The following CCDC171 variants were observed in gnomAD, a reference collection of about 807,000 sequenced individuals.
CCDC171 encodes the protein coiled-coil domain containing 171, also known as coiled-coil domain-containing protein 171.
A neutral mutation model predicts 168.2 loss-of-function variants in CCDC171; 177 were observed. That is an observed-to-expected ratio of 1.05 (90% confidence interval 0.93 to 1.19). CCDC171 has a LOEUF of 1.19. CCDC171 is among the 50% of genes most tolerant of loss of function. CCDC171 has a pLI of 0.00. For missense variants in CCDC171, 1,991 were observed against 1,539.0 expected, an observed-to-expected ratio of 1.29 and a Z score of -4.91; for synonymous variants, 687 against 540.8, an observed-to-expected ratio of 1.27 and a Z score of -3.75.
At chr9:15,946,463 G>C (rs1828398462) in intron 25 of CCDC171, among the ~76,000 whole-genome samples, 1 of 151,646 alleles carries the variant, frequency 6.6e-6, no homozygotes, top group Non-Finnish European at 1.5e-5. Flanking sequence ...CACCTTACAA[G>C]GGACGTGAAG....
At chr9:15,712,952 T>A (rs946947478) in intron 11 of CCDC171, among the ~76,000 whole-genome samples, 9 of 152,206 alleles carry the variant, frequency 5.9e-5, no homozygotes, top group African/African-American at 2.2e-4. Flanking sequence ...GCCCTCCTGA[T>A]TATTAAGATC....
At chr9:15,854,757 A>C (rs80300118) in intron 23 of CCDC171, among the ~76,000 whole-genome samples, 3,434 of 151,614 alleles carry the variant, frequency 0.023, 154 homozygotes, top group African/African-American at 0.079. Flanking sequence ...ATGCAGCTTA[A>C]ACTGCATCCC....
At chr9:15,902,269 T>C (rs867226505) in intron 24 of CCDC171, among the ~76,000 whole-genome samples, 15 of 62,820 alleles carry the variant, frequency 2.4e-4, no homozygotes, top group East Asian at 7.9e-4. Flanking sequence ...TATGTATATA[T>C]ATATATATAT....
intron 6 of CCDC171, among the ~76,000 whole-genome samples, chr9:15,612,981 G>A (rs1028271948): frequency 6.6e-6 from 1 of 152,138 alleles, no homozygotes; most frequent in Non-Finnish European, 1.5e-5. Context: ...TCGCCTATTT[G>A]AGATTTATTA....
intron 1 of CCDC171, among the ~76,000 whole-genome samples, chr9:16,054,769 G>A (rs1358291644): frequency 6.6e-6 from 1 of 152,212 alleles, no homozygotes; most frequent in Non-Finnish European, 1.5e-5. Context: ...GCTTCTCAGG[G>A]AAGTGTTATT....
chr9:15,900,600 A>G (rs1821498856), intron 24 of CCDC171, among the ~76,000 whole-genome samples: 1 of 152,148 alleles, frequency 6.6e-6, no homozygotes, highest in African/African-American at 2.4e-5. Flanking sequence ...TAAGCCTTTA[A>G]GTTTCTGGTA....
intron 14 of CCDC171, among the ~76,000 whole-genome samples, chr9:15,726,026 A>G (rs1002674390): frequency 1.3e-5 from 2 of 152,176 alleles, no homozygotes; most frequent in African/African-American, 2.4e-5. Context: ...TAGTCTAGCT[A>G]GTGGAACTGG....
chr9:15,661,323 T>C (rs2048308439), intron 8 of CCDC171, among the ~76,000 whole-genome samples: 1 of 151,800 alleles, frequency 6.6e-6, no homozygotes, highest in East Asian at 1.9e-4. Flanking sequence ...TTTTTGACTT[T>C]TTAGTAATAG....
intron 21 of CCDC171, among the ~76,000 whole-genome samples, chr9:15,793,085 C>T (rs547068616): frequency 3.6e-3 from 542 of 152,148 alleles, no homozygotes; most frequent in African/African-American, 0.012. Context: ...ACCCACCTCA[C>T]GTGCAGAGAC....
At chr9:16,010,668 A>G (rs1217211751) in intron 3 of CCDC171, among the ~76,000 whole-genome samples, 10 of 151,974 alleles carry the variant, frequency 6.6e-5, no homozygotes, top group East Asian at 3.9e-4. Flanking sequence ...TCCTAGCTCT[A>G]TCCTTGGTGA....
At chr9:15,881,778 T>C (rs1284224335) in intron 24 of CCDC171, among the ~76,000 whole-genome samples, 3 of 152,240 alleles carry the variant, frequency 2.0e-5, no homozygotes, top group African/African-American at 7.2e-5. Flanking sequence ...TCTATCTGTG[T>C]TGCTGCAAAT....
intron 25 of CCDC171, among the ~76,000 whole-genome samples, chr9:15,950,849 A>G (rs886400309): frequency 6.6e-6 from 1 of 151,460 alleles, no homozygotes; most frequent in African/African-American, 2.4e-5. Context: ...AAGAGTCAAG[A>G]CCCATCAGTG....
At chr9:15,580,826 C>T (rs957034208) in intron 4 of CCDC171, among the ~76,000 whole-genome samples, 1 of 152,010 alleles carries the variant, frequency 6.6e-6, no homozygotes, top group Non-Finnish European at 1.5e-5. Context: ...TATGGAGATT[C>T]CTTAAAGAAC....
At chr9:15,954,029 C>G (rs1301592372) in intron 25 of CCDC171, among the ~76,000 whole-genome samples, 4 of 151,732 alleles carry the variant, frequency 2.6e-5, no homozygotes, top group Non-Finnish European at 4.4e-5. Context: ...TCCCCACTTT[C>G]TCTTTTGATA....
In CCDC171 at chr9:15,744,726, A is replaced by T; in HGVS notation, c.2503A>T (p.Ile835Leu). The T allele has an allele frequency of 6.2e-7, 1 of 1,614,094 alleles. No individual in the cohort carries two copies. The highest frequency in any genetic ancestry group is 8.5e-7 in the Non-Finnish European group (1 of 1,180,006). Residue 835 changes from isoleucine to leucine, a missense_variant, in exon 17 of 26, where the codon ATA becomes TTA. By Grantham distance (5) the Ile-to-Leu change is conservative. Coordinates refer to ENST00000380701, the MANE Select transcript of CCDC171 (RefSeq NM_173550.4). Reference protein sequence around the residue: ...FTWMESFKEGIGMLVCTGEPQ... With the variant: ...FTWMESFKEGLGMLVCTGEPQ... ...CTGGATGGAGAGTTTCAAAGAAGGC[A>T]TAGGCATGTTAGTGTGCACAGGAGA... is the stretch of plus-strand genomic sequence containing the variant.
intron 3 of CCDC171, among the ~76,000 whole-genome samples, chr9:15,996,537 G>A (rs1832380362): frequency 2.0e-5 from 3 of 151,010 alleles, no homozygotes; most frequent in Non-Finnish European, 4.4e-5. Flanking sequence ...TCGACTTGTG[G>A]CATCATGTCG....
At chr9:16,076,859 C>G in the CCDC171 span, among the ~76,000 whole-genome samples, 1 of 152,126 alleles carries the variant, frequency 6.6e-6, no homozygotes, top group Non-Finnish European at 1.5e-5. Context: ...ACTTGTAGAA[C>G]CCGGTATTTG....
chr9:15,693,504 A>G (rs2050980335), intron 10 of CCDC171, among the ~76,000 whole-genome samples: 1 of 152,026 alleles, frequency 6.6e-6, no homozygotes, highest in South Asian at 2.1e-4. Flanking sequence ...TACTCCCTTC[A>G]TGGAGCTTAA....
At chr9:15,720,042 T>A (rs2053371199) in intron 11 of CCDC171, among the ~76,000 whole-genome samples, 2 of 152,198 alleles carry the variant, frequency 1.3e-5, no homozygotes, top group Admixed American at 6.5e-5. Context: ...CTGTCATATG[T>A]GTTGTTTCCA....
Sources: allele counts gnomAD v4.1 joint callset (sites outside exome capture counted in the v4.1 genomes callset), GRCh38; gene constraint gnomAD v4.1.1; transcripts MANE v1.5; gene names NCBI Gene and HGNC (gene_info 2026-07-23, HGNC 2026-07-21).